The following CFAP54 variants were observed in gnomAD, a reference collection of about 807,000 sequenced individuals.
The protein encoded by CFAP54 is cilia and flagella associated protein 54.
A neutral mutation model predicts 370.4 loss-of-function variants in CFAP54; 290 were observed. The ratio of observed to expected loss-of-function variants is 0.78; its 90% CI spans 0.71 to 0.86. The LOEUF is 0.86. Among genes scored for constraint, CFAP54 ranks in the 40% least tolerant of loss-of-function variants. The pLI, the probability that CFAP54 is intolerant of heterozygous loss-of-function variation, is 0.00. For missense variants in CFAP54, 3,399 were observed against 3,528.7 expected, an observed-to-expected ratio of 0.96 and a Z score of 0.93; for synonymous variants, 1,206 against 1,236.5, an observed-to-expected ratio of 0.98 and a Z score of 0.52.
chr12:96,830,909 C>T (rs1372087505), intron 66 of CFAP54, among the ~76,000 whole-genome samples: 1 of 152,088 alleles, frequency 6.6e-6, no homozygotes, highest in East Asian at 1.9e-4. Flanking sequence ...CTTCTGACCT[C>T]AAGTGATCCA....
At chr12:96,828,080 T>G (rs901865209) in intron 65 of CFAP54, among the ~76,000 whole-genome samples, 1 of 131,152 alleles carries the variant, frequency 7.6e-6, no homozygotes, top group South Asian at 2.2e-4. Flanking sequence ...AATTATATAT[T>G]ATATATATTA....
intron 58 of CFAP54, among the ~76,000 whole-genome samples, chr12:96,763,018 G>A (rs1286445069): frequency 6.6e-6 from 1 of 152,072 alleles, no homozygotes; most frequent in Non-Finnish European, 1.5e-5. Flanking sequence ...CAGGTTCATT[G>A]AAAATTAAAG....
chr12:96,861,065 T>G, intron 67 of CFAP54, 113 bp downstream of exon 67: 1 of 719,514 alleles, frequency 1.4e-6, no homozygotes, highest in Non-Finnish European at 2.0e-6. Context: ...AAGCTAAATT[T>G]CTTTAAAATT....
At chr12:96,825,698 A>G (rs544722353) in intron 65 of CFAP54, among the ~76,000 whole-genome samples, 120 of 124,314 alleles carry the variant, frequency 9.7e-4, no homozygotes, top group Non-Finnish European at 1.6e-3. Flanking sequence ...CACGATATAT[A>G]TTATATATTA....
chr12:96,506,964 C>CA lies in CFAP54; in HGVS notation c.605dup (p.Leu203AlafsTer6). 6.5e-7 allele frequency: 1 copy of CA among 1,532,534 alleles called. No individual in the cohort carries two copies. Among genetic ancestry groups the CA allele is most frequent in the Non-Finnish European group, 8.7e-7 (1 of 1,146,136 alleles). The allele number at this position is 1,532,534 out of a possible 1,614,324, so 94.9% of individuals were successfully genotyped here. ...GAGTGGCAAAAATATGTGCAACTAC[C>CA]AGCTGGTCTGCGACAGTGATGAAAA... is the stretch of plus-strand genomic sequence containing the variant. On this transcript the variant is annotated frameshift_variant, in exon 4 of 68. Coordinates refer to ENST00000524981, the MANE Select transcript of CFAP54 (RefSeq NM_001306084.2). LOFTEE classifies it high-confidence loss of function.
At chr12:96,742,879 G>A (rs894865698) in intron 52 of CFAP54, among the ~76,000 whole-genome samples, 1 of 152,166 alleles carries the variant, frequency 6.6e-6, no homozygotes, top group Non-Finnish European at 1.5e-5. Flanking sequence ...GGAGTGAAGA[G>A]CACAGATTAC....
chr12:96,666,224 G>A (rs1038029576), intron 39 of CFAP54, among the ~76,000 whole-genome samples: 17 of 152,098 alleles, frequency 1.1e-4, no homozygotes, highest in Admixed American at 6.5e-5. Flanking sequence ...TTGGTATTTG[G>A]CCTTTTGCTA....
In CFAP54 at chr12:96,700,103, C is replaced by A; in HGVS notation, c.6474+10C>A. 6.3e-7 allele frequency: 1 copy of A among 1,598,798 alleles called. No homozygotes were observed. The highest frequency in any genetic ancestry group is 8.5e-7 in the Non-Finnish European group (1 of 1,174,726). On this transcript the variant is annotated intron_variant, in intron 46 of 67. Transcript: ENST00000524981. ...CACTGGAAAAATGAAGGTAACCTGA[C>A]AATTTGATTCAAAGCAATTTCTTTA...
intron 15 of CFAP54, among the ~76,000 whole-genome samples, chr12:96,551,693 A>G (rs1955696721): frequency 6.6e-6 from 1 of 152,172 alleles, no homozygotes; most frequent in African/African-American, 2.4e-5. Context: ...TTCAACAACC[A>G]TCTTCTTTAA....
intron 39 of CFAP54, among the ~76,000 whole-genome samples, chr12:96,675,269 T>C (rs1045609992): frequency 6.6e-6 from 1 of 152,136 alleles, no homozygotes; most frequent in Non-Finnish European, 1.5e-5. Flanking sequence ...CATCAACAAG[T>C]TGGCAAAGGA....
chr12:96,644,139 G>C (rs1164895548), intron 32 of CFAP54, 39 bp from the exon 33 acceptor site: 3 of 1,313,168 alleles, frequency 2.3e-6, no homozygotes, highest in Non-Finnish European at 3.1e-6. Context: ...ATATCTGAAA[G>C]TTCTTGTGTA....
chr12:96,714,027 TA>T (rs1432779998), intron 48 of CFAP54, among the ~76,000 whole-genome samples: 1 of 152,156 alleles, frequency 6.6e-6, no homozygotes, highest in Non-Finnish European at 1.5e-5. Context: ...GAGGAAGAAT[TA>T]AAAGTTTCTA....
intron 46 of CFAP54, among the ~76,000 whole-genome samples, chr12:96,702,395 T>G (rs1957501911): frequency 1.3e-5 from 2 of 151,916 alleles, no homozygotes; most frequent in African/African-American, 4.8e-5. Flanking sequence ...CGGAACTAGA[T>G]GAATTCAGCT....
At chr12:96,701,062 G>A (rs1190483024) in intron 46 of CFAP54, among the ~76,000 whole-genome samples, 1 of 152,118 alleles carries the variant, frequency 6.6e-6, no homozygotes, top group Non-Finnish European at 1.5e-5. Context: ...ATAATTTATT[G>A]TAATAGGGGA....
chr12:96,701,300 A>C (rs999434820), intron 46 of CFAP54, among the ~76,000 whole-genome samples: 1 of 152,110 alleles, frequency 6.6e-6, no homozygotes, highest in African/African-American at 2.4e-5. Context: ...GCATCATCTT[A>C]CCTGGATTAA....
chr12:96,646,246 A>T (rs1442456006), intron 33 of CFAP54: 2 of 152,200 alleles, frequency 1.3e-5, no homozygotes, highest in Non-Finnish European at 2.9e-5. Context: ...AACTCAAACA[A>T]ATTTACAAGA....
Position 96,786,869 on chromosome 12 carries a change from G to A in CFAP54, c.8650G>A (p.Glu2884Lys). 6.5e-7 allele frequency: 1 copy of A among 1,533,818 alleles called. No individual in the cohort carries two copies. Among genetic ancestry groups the A allele is most frequent in the African/African-American group, 1.4e-5 (1 of 72,924 alleles). ...LCQLENPPLS[E>K]KDLRESSAKL... The stretch of plus-strand genomic sequence containing the variant: ...TCAACTGGAAAATCCCCCTCTTTCA[G>A]AAAAAGACTTACGTGAATCATCTGC... Residue 2884 changes from glutamate to lysine, a missense_variant, in exon 62 of 68, where the codon GAA (glutamate) becomes AAA (lysine). Around this residue, in one of 3 missense-constraint regions of CFAP54, gnomAD observed 2,796 missense variants for 2,869.7 expected, o/e 0.97. Transcript: ENST00000524981.
chr12:96,494,623 T>C (rs750941782), intron 1 of CFAP54, among the ~76,000 whole-genome samples: 40 of 152,058 alleles, frequency 2.6e-4, no homozygotes, highest in Non-Finnish European at 5.6e-4. Context: ...TAAGATATTA[T>C]TCTGATGATC....
rs949305637 is a variant in CFAP54 at position 96,594,213 on chromosome 12, T to G, written c.3361-78T>G. ...TTGTTTTTAGCCAGAAGGATCACAT[T>G]TTCTACCCATTCTCCGTAGAGACAC... On this transcript the variant is annotated intron_variant, in intron 24 of 67. Coordinates refer to ENST00000524981, the MANE Select transcript of CFAP54 (RefSeq NM_001306084.2). 65 of 1,039,724 alleles carry G rather than the reference T, an allele frequency of 6.3e-5. No individual in the cohort carries two copies. In the South Asian group the frequency reaches 1.4e-3, roughly 22 times the overall value. 64.4% of individuals were successfully genotyped at this position (1,039,724 alleles called of 1,614,324 possible).
Sources: allele counts gnomAD v4.1 joint callset (sites outside exome capture counted in the v4.1 genomes callset), GRCh38; gene constraint gnomAD v4.1.1; regional missense constraint gnomAD v4.1.1; transcripts MANE v1.5; gene names NCBI Gene and HGNC (gene_info 2026-07-23, HGNC 2026-07-21).